CTNNBL1: variants seen among roughly 807,000 people sequenced by gnomAD.
CTNNBL1 encodes beta-catenin-like protein 1.
A neutral mutation model predicts 72.7 loss-of-function variants in CTNNBL1; 31 were observed. The observed-to-expected ratio is 0.43, with a 90% confidence interval of 0.32 to 0.58. CTNNBL1 has a LOEUF of 0.58. Among genes scored for constraint, CTNNBL1 ranks in the 20% least tolerant of loss-of-function variants. The pLI is 0.08. For missense variants in CTNNBL1, 534 were observed against 725.1 expected, an observed-to-expected ratio of 0.74 and a Z score of 3.03; for synonymous variants, 240 against 267.3, an observed-to-expected ratio of 0.90 and a Z score of 1.00.
intron 1 of CTNNBL1, among the ~76,000 whole-genome samples, chr20:37,731,564 T>C (rs1487124428): frequency 1.3e-5 from 2 of 152,194 alleles, no homozygotes; most frequent in African/African-American, 4.8e-5. Flanking sequence ...TTAGTCAACA[T>C]TTCCCTCCGT....
intron 1 of CTNNBL1, among the ~76,000 whole-genome samples, chr20:37,725,373 G>A (rs1022280847): frequency 1.5e-4 from 22 of 151,260 alleles, no homozygotes; most frequent in Non-Finnish European, 2.8e-4. Flanking sequence ...CTCAGCTCAC[G>A]GCAACCTCTG....
chr20:37,778,054 C>A (rs1156593544), intron 9 of CTNNBL1, among the ~76,000 whole-genome samples: 1 of 152,124 alleles, frequency 6.6e-6, no homozygotes, highest in Non-Finnish European at 1.5e-5. Flanking sequence ...ATTCACCAAC[C>A]TTCCTTTCAA....
chr20:37,829,251 G>GC (rs2072187291), intron 11 of CTNNBL1, among the ~76,000 whole-genome samples: 1 of 152,216 alleles, frequency 6.6e-6, no homozygotes, highest in Non-Finnish European at 1.5e-5. Context: ...GGAAACAAAG[G>GC]CAGCTCTGTA....
At chr20:37,848,730 A>G (rs1207622508) in intron 13 of CTNNBL1, among the ~76,000 whole-genome samples, 2 of 152,148 alleles carry the variant, frequency 1.3e-5, no homozygotes, top group Non-Finnish European at 2.9e-5. Context: ...ACCTTGCAGT[A>G]TGACCTTGGG....
intron 6 of CTNNBL1, among the ~76,000 whole-genome samples, chr20:37,766,324 A>G (rs1347628220): frequency 1.3e-5 from 2 of 152,198 alleles, no homozygotes; most frequent in Admixed American, 6.5e-5. Flanking sequence ...ACAGAGATCT[A>G]TTTGCAGCTC....
At chr20:37,863,324 T>G (rs372689109) in intron 15 of CTNNBL1, among the ~76,000 whole-genome samples, 21 of 152,320 alleles carry the variant, frequency 1.4e-4, no homozygotes, top group African/African-American at 4.8e-4. Context: ...CCAGGCTCTG[T>G]GTCCAGTCCT....
chr20:37,745,997 G>A (rs961625675), intron 3 of CTNNBL1, among the ~76,000 whole-genome samples: 2 of 152,174 alleles, frequency 1.3e-5, no homozygotes, highest in Non-Finnish European at 2.9e-5. Context: ...GGAGGAAGAG[G>A]GAGGGCATTT....
intron 13 of CTNNBL1, among the ~76,000 whole-genome samples, chr20:37,851,419 C>T (rs2072396211): frequency 6.6e-6 from 1 of 151,752 alleles, no homozygotes; most frequent in South Asian, 2.1e-4. Flanking sequence ...TATAGGGAAA[C>T]TATAGGCCAA....
intron 11 of CTNNBL1, among the ~76,000 whole-genome samples, chr20:37,807,183 C>T (rs892611604): frequency 2.0e-4 from 30 of 152,128 alleles, no homozygotes; most frequent in African/African-American, 7.0e-4. Context: ...CCCTGGGCCG[C>T]ACTTGTCCTA....
At chr20:37,769,253 G>A (rs562717788) in intron 7 of CTNNBL1, among the ~76,000 whole-genome samples, 39 of 152,232 alleles carry the variant, frequency 2.6e-4, no homozygotes, top group African/African-American at 7.5e-4. Flanking sequence ...TTATCTGTAC[G>A]ATAAATTCAT....
In CTNNBL1 at chr20:37,783,341, C is replaced by G. The variant is rs190643549; in HGVS notation, c.1031+4006C>G. Among the ~76,000 whole-genome samples, 400 of 151,834 alleles carry G rather than the reference C, an allele frequency of 2.6e-3. 2 individuals carry two copies. The highest frequency in any genetic ancestry group is 8.9e-3 in the African/African-American group (370 of 41,432). Reference sequence around the variant, plus strand: ...TTTTAATTTTGTTGATCTTTTTTATCTTTTTTTGTTTGTTTCATTTATTTC... The same window carrying G: ...TTTTAATTTTGTTGATCTTTTTTATGTTTTTTTGTTTGTTTCATTTATTTC... On this transcript the variant is annotated intron_variant, in intron 10 of 15. Coordinates refer to ENST00000361383, the MANE Select transcript of CTNNBL1 (RefSeq NM_030877.5).
chr20:37,725,870 G>A (rs1272860721), intron 1 of CTNNBL1, among the ~76,000 whole-genome samples: 1 of 152,012 alleles, frequency 6.6e-6, no homozygotes, highest in Non-Finnish European at 1.5e-5. Flanking sequence ...TGTAGTCCCA[G>A]CTACTTAGGA....
chr20:37,784,744 T>A (rs2073657166), intron 10 of CTNNBL1, among the ~76,000 whole-genome samples: 1 of 152,262 alleles, frequency 6.6e-6, no homozygotes, highest in African/African-American at 2.4e-5. Flanking sequence ...CTTTTAGTCT[T>A]TCTGCTCAAG....
At chr20:37,735,023 T>C (rs1260088227) in intron 2 of CTNNBL1, among the ~76,000 whole-genome samples, 1 of 152,260 alleles carries the variant, frequency 6.6e-6, no homozygotes, top group Non-Finnish European at 1.5e-5. Context: ...TTTAACCCTT[T>C]CCTAGAAATG....
intron 8 of CTNNBL1, 25 bp from the exon 9 acceptor site, chr20:37,777,629 C>T (rs770450186): frequency 6.2e-7 from 1 of 1,609,908 alleles, no homozygotes; most frequent in African/African-American, 1.3e-5. Flanking sequence ...CATTTTTTTT[C>T]TTCCTCTATT....
chr20:37,751,756 G>T (rs898120546), intron 4 of CTNNBL1: 3 of 152,232 alleles, frequency 2.0e-5, no homozygotes, highest in Non-Finnish European at 2.9e-5. Flanking sequence ...CCCCTAAGGG[G>T]CTTTCTTCTA....
intron 5 of CTNNBL1, among the ~76,000 whole-genome samples, chr20:37,759,882 A>G (rs1181294982): frequency 2.0e-5 from 3 of 152,206 alleles, no homozygotes; most frequent in African/African-American, 7.2e-5. Flanking sequence ...TTGTCTTTGT[A>G]GTTTTAATTT....
intron 10 of CTNNBL1, among the ~76,000 whole-genome samples, chr20:37,788,846 C>T (rs1047607467): frequency 6.6e-6 from 1 of 152,220 alleles, no homozygotes; most frequent in East Asian, 1.9e-4. Flanking sequence ...CTATTACCTA[C>T]TCGCCCTTAC....
chr20:37,722,468 C>T (rs888464542), intron 1 of CTNNBL1, among the ~76,000 whole-genome samples: 10 of 140,210 alleles, frequency 7.1e-5, no homozygotes, highest in South Asian at 2.3e-4. Flanking sequence ...AGTGAGGCTC[C>T]GTCTAAAATA....
Sources: allele counts gnomAD v4.1 joint callset (sites outside exome capture counted in the v4.1 genomes callset), GRCh38; gene constraint gnomAD v4.1.1; transcripts MANE v1.5; gene names NCBI Gene and HGNC (gene_info 2026-07-23, HGNC 2026-07-21).